Variants in TMTC2 observed in about 807,000 individuals in gnomAD.
TMTC2 encodes the protein transmembrane O-mannosyltransferase targeting cadherins 2, also known as protein O-mannosyl-transferase TMTC2.
A neutral mutation model predicts 82.4 loss-of-function variants in TMTC2; 43 were observed. The ratio of observed to expected loss-of-function variants is 0.52; its 90% confidence interval spans 0.41 to 0.67. The LOEUF (loss-of-function observed/expected upper bound fraction) is 0.67. Ranked by LOEUF, TMTC2 falls within the 30% of genes least tolerant of loss-of-function variation. The pLI is 0.00. For synonymous variants in TMTC2, 408 were observed against 381.9 expected (o/e 1.07, Z -0.80); for missense variants, 919 against 1,012.4 (o/e 0.91, Z 1.25).
At chr12:82,748,018 A>G (rs967369883) in intron 1 of TMTC2, among the ~76,000 whole-genome samples, 2 of 152,214 alleles carry the variant, frequency 1.3e-5, no homozygotes, top group African/African-American at 4.8e-5. Context: ...GTAGTTTTTA[A>G]AAAAAGTTTA....
chr12:82,912,947 A>AAC (rs1289698930), intron 3 of TMTC2, among the ~76,000 whole-genome samples: 1 of 151,500 alleles, frequency 6.6e-6, no homozygotes, highest in East Asian at 1.9e-4. Flanking sequence ...CTGAAAAAAA[A>AAC]AAAAAAAAGA....
intron 3 of TMTC2, among the ~76,000 whole-genome samples, chr12:82,910,370 G>A (rs7958332): frequency 1.3e-5 from 2 of 152,112 alleles, no homozygotes; most frequent in African/African-American, 2.4e-5. Flanking sequence ...GGGAACATAC[G>A]GACAGGCAGG....
chr12:82,834,849 A>C (rs530095196), intron 1 of TMTC2, among the ~76,000 whole-genome samples: 7 of 152,236 alleles, frequency 4.6e-5, no homozygotes, highest in African/African-American at 1.4e-4. Context: ...ATGTCACATA[A>C]GCTGTAATTC....
intron 8 of TMTC2, 127 bp downstream of exon 8, chr12:82,986,173 A>C (rs1879147045): frequency 8.5e-6 from 11 of 1,297,034 alleles, no homozygotes; most frequent in Admixed American, 7.7e-5. Context: ...GGTGATACTA[A>C]CTTTGAACCC....
At chr12:82,943,045 G>A (rs1876809614) in intron 4 of TMTC2, among the ~76,000 whole-genome samples, 1 of 152,130 alleles carries the variant, frequency 6.6e-6, no homozygotes, top group African/African-American at 2.4e-5. Context: ...TTGGTTGCCT[G>A]GGGTGATTAG....
intron 3 of TMTC2, among the ~76,000 whole-genome samples, chr12:82,905,366 G>A (rs1874237058): frequency 6.6e-6 from 1 of 152,090 alleles, no homozygotes; most frequent in South Asian, 2.1e-4. Context: ...TCTGAGAATG[G>A]TTTGTTAACT....
At chr12:82,884,444 G>C (rs1872988804) in intron 2 of TMTC2, among the ~76,000 whole-genome samples, 1 of 152,158 alleles carries the variant, frequency 6.6e-6, no homozygotes, top group Non-Finnish European at 1.5e-5. Flanking sequence ...TGTGTATTCA[G>C]ACTTTTTTGA....
chr12:83,073,833 T>G (rs1045700410), intron 11 of TMTC2, among the ~76,000 whole-genome samples: 1 of 152,138 alleles, frequency 6.6e-6, no homozygotes, highest in Non-Finnish European at 1.5e-5. Context: ...TTTTTGATTG[T>G]TTTTTCTTTC....
intron 10 of TMTC2, 69 bp from the exon 11 acceptor site, chr12:83,061,699 A>T (rs1277712636): frequency 3.0e-6 from 4 of 1,346,718 alleles, no homozygotes; most frequent in South Asian, 1.5e-5. Flanking sequence ...ACATTATTTT[A>T]CTGCACAGTG....
At chr12:83,101,602 A>G (rs1195238799) in intron 11 of TMTC2, among the ~76,000 whole-genome samples, 2 of 152,200 alleles carry the variant, frequency 1.3e-5, no homozygotes, top group African/African-American at 4.8e-5. Flanking sequence ...TATCACCATC[A>G]TAATACGTTG....
chr12:82,874,439 CTT>C (rs1872376749), intron 2 of TMTC2, among the ~76,000 whole-genome samples: 1 of 152,122 alleles, frequency 6.6e-6, no homozygotes, highest in Non-Finnish European at 1.5e-5. Flanking sequence ...AATTTCGTCT[CTT>C]TGAAATAATC....
At chr12:83,037,286 T>C (rs1462661322) in intron 9 of TMTC2, among the ~76,000 whole-genome samples, 1 of 152,188 alleles carries the variant, frequency 6.6e-6, no homozygotes, top group Non-Finnish European at 1.5e-5. Flanking sequence ...GCCTGTATTA[T>C]TTTTTATTAT....
Position 82,740,449 on chromosome 12 carries a change from A to G in TMTC2, c.83+52780A>G, listed in dbSNP as rs138619186. Among the ~76,000 whole-genome samples, 126 of 152,298 alleles carry G rather than the reference A, an allele frequency of 8.3e-4. 2 individuals are homozygous for G. The East Asian group carries it at 0.015, about 18-fold the overall frequency. On this transcript the variant is annotated intron_variant, in intron 1 of 11. Coordinates refer to ENST00000321196, the MANE Select transcript of TMTC2 (RefSeq NM_152588.3). ...TTTCTTCCATTTACTGGCTCCTGAC[A>G]TGGACTCTTCAGAGATGTAAGAATG... is the stretch of plus-strand genomic sequence containing the variant.
Position 83,037,668 on chromosome 12 carries a change from A to G in TMTC2, c.2152+6789A>G, listed in dbSNP as rs566608826. Among the ~76,000 whole-genome samples the G allele has an allele frequency of 2.4e-3, 362 of 152,246 alleles. 1 individual carries two copies. The highest frequency in any genetic ancestry group is 3.6e-3 in the Non-Finnish European group (243 of 68,010). On this transcript the variant is annotated intron_variant, in intron 9 of 11. Coordinates refer to ENST00000321196, the MANE Select transcript of TMTC2 (RefSeq NM_152588.3). ...TTCTAAATCCCCATTATTAAAATGT[A>G]TCTAATAAATTAATACAATTTAATC...
intron 11 of TMTC2, among the ~76,000 whole-genome samples, chr12:83,123,663 CTTAATCCCCAAA>C (rs1885021607): frequency 6.6e-6 from 1 of 152,146 alleles, no homozygotes; most frequent in African/African-American, 2.4e-5. Flanking sequence ...CTGCTGACAA[CTTAATCCCCAAA>C]TTAATTGAAA....
intron 1 of TMTC2, among the ~76,000 whole-genome samples, chr12:82,691,814 T>C (rs989098510): frequency 6.6e-6 from 1 of 152,172 alleles, no homozygotes; most frequent in Non-Finnish European, 1.5e-5. Context: ...TATAATTAAG[T>C]AAGGGAGAAG....
At chr12:82,966,377 T>G (rs1878209282) in intron 6 of TMTC2, among the ~76,000 whole-genome samples, 1 of 152,060 alleles carries the variant, frequency 6.6e-6, no homozygotes, top group Non-Finnish European at 1.5e-5. Flanking sequence ...TGCCCCTCTC[T>G]CCCCTTCAAA....
intron 6 of TMTC2, among the ~76,000 whole-genome samples, chr12:82,966,628 G>GT (rs1035468199): frequency 6.6e-6 from 1 of 151,772 alleles, no homozygotes; most frequent in East Asian, 1.9e-4. Flanking sequence ...AGTTTTTTTG[G>GT]TTTTTTAGTT....
chr12:83,012,389 A>G (rs1018651064), intron 8 of TMTC2, among the ~76,000 whole-genome samples: 7 of 152,194 alleles, frequency 4.6e-5, no homozygotes, highest in Non-Finnish European at 8.8e-5. Flanking sequence ...TAAAGTAAGT[A>G]AGAGTCTGTA....
Sources: gnomAD v4.1 joint callset for allele counts (sites outside exome capture counted in the v4.1 genomes callset) on GRCh38, gnomAD v4.1.1 for gene constraint, MANE v1.5 for transcripts, NCBI Gene and HGNC (gene_info 2026-07-23, HGNC 2026-07-21) for gene names.